FNDC3B: variants seen among roughly 807,000 people sequenced by gnomAD.
The protein encoded by FNDC3B is fibronectin type III domain-containing protein 3B.
In FNDC3B, 12 loss-of-function variants were observed where a neutral mutation model predicts 151.5. That is an observed-to-expected ratio of 0.08 (90% confidence interval 0.05 to 0.13). The LOEUF (loss-of-function observed/expected upper bound fraction) is 0.13, where lower values mean the gene tolerates loss of function less well. FNDC3B is among the 10% of genes least tolerant of loss of function. The pLI, the probability that FNDC3B is intolerant of heterozygous loss-of-function variation, is 1.00. For missense variants in FNDC3B, 1,214 were observed against 1,505.3 expected (o/e 0.81, Z 3.20); for synonymous variants, 528 against 549.0 (o/e 0.96, Z 0.54).
intron 22 of FNDC3B, among the ~76,000 whole-genome samples, chr3:172,362,206 G>C (rs1268131280): frequency 1.3e-5 from 2 of 152,152 alleles, no homozygotes; most frequent in East Asian, 3.9e-4. Flanking sequence ...ATGTCCTGTT[G>C]ATGAGTTGTC....
At chr3:172,246,415 C>G (rs1361099891) in intron 4 of FNDC3B, among the ~76,000 whole-genome samples, 3 of 152,218 alleles carry the variant, frequency 2.0e-5, no homozygotes, top group Non-Finnish European at 4.4e-5. Flanking sequence ...CTCACGTTAT[C>G]ATTCTCTGTA....
intron 2 of FNDC3B, among the ~76,000 whole-genome samples, chr3:172,122,967 C>T (rs1720626425): frequency 6.6e-6 from 1 of 152,206 alleles, no homozygotes; most frequent in Non-Finnish European, 1.5e-5. Flanking sequence ...TTGTTAGCCA[C>T]ACCTTAGATT....
chr3:172,334,318 T>TC (rs11339828), intron 14 of FNDC3B, among the ~76,000 whole-genome samples: 4,672 of 123,324 alleles, frequency 0.038, 97 homozygotes, highest in Non-Finnish European at 0.058. Context: ...TATTTTTATG[T>TC]CCCCCCCCCC....
intron 6 of FNDC3B, among the ~76,000 whole-genome samples, chr3:172,282,137 T>A (rs1467249331): frequency 6.6e-6 from 1 of 152,224 alleles, no homozygotes; most frequent in Non-Finnish European, 1.5e-5. Context: ...CATACTAGAC[T>A]GTTAGCTTTC....
intron 2 of FNDC3B, among the ~76,000 whole-genome samples, chr3:172,119,169 T>TAAA (rs555243695): frequency 0.015 from 1,517 of 102,098 alleles, 63 homozygotes; most frequent in African/African-American, 0.057. Flanking sequence ...GACTCTGCCT[T>TAAA]AAAAAAAAAA....
Position 172,381,098 on chromosome 3 carries a change from G to GA in FNDC3B, c.3303+7dup. The GA allele has an allele frequency of 6.2e-7, 1 of 1,613,026 alleles. No homozygotes were observed. The highest frequency in any genetic ancestry group is 8.5e-7 in the Non-Finnish European group (1 of 1,179,272). On this transcript the variant is annotated splice_donor_region_variant and intron_variant, in intron 25 of 25. Transcript: ENST00000415807. ...AGAGAATCTGAGTACAAACAGGTAA[G>GA]AACCAGTGTGCATGGCACATGTGCA...
chr3:172,205,535 A>G (rs1411733625), intron 3 of FNDC3B, among the ~76,000 whole-genome samples: 1 of 152,224 alleles, frequency 6.6e-6, no homozygotes, highest in Non-Finnish European at 1.5e-5. Flanking sequence ...TCTCACAACT[A>G]GTCATTTGTG....
At chr3:172,275,411 G>C (rs1259941480) in intron 6 of FNDC3B, among the ~76,000 whole-genome samples, 1 of 152,170 alleles carries the variant, frequency 6.6e-6, no homozygotes, top group Non-Finnish European at 1.5e-5. Context: ...GGGCTTAAGA[G>C]AATCCTTTAT....
chr3:172,310,752 A>G, intron 10 of FNDC3B, 76 bp from the exon 11 acceptor site: 5 of 1,028,474 alleles, frequency 4.9e-6, no homozygotes, highest in South Asian at 1.3e-5. Context: ...TAGACACTGT[A>G]TGTGAGCCAG....
At chr3:172,275,688 C>T (rs926393591) in intron 6 of FNDC3B, among the ~76,000 whole-genome samples, 3 of 152,192 alleles carry the variant, frequency 2.0e-5, no homozygotes, top group Non-Finnish European at 4.4e-5. Context: ...TAGCATTTTC[C>T]GTATAGACAT....
intron 25 of FNDC3B, among the ~76,000 whole-genome samples, chr3:172,389,314 C>T (rs996003514): frequency 6.6e-6 from 1 of 152,070 alleles, no homozygotes; most frequent in Non-Finnish European, 1.5e-5. Flanking sequence ...AATCCTTAAT[C>T]TGTTACTCTA....
intron 4 of FNDC3B, among the ~76,000 whole-genome samples, chr3:172,233,729 C>T (rs1726999979): frequency 6.6e-6 from 1 of 152,170 alleles, no homozygotes; most frequent in East Asian, 1.9e-4. Flanking sequence ...GGGGGACTGC[C>T]CTATGCCCTG....
Position 172,385,589 on chromosome 3 carries a change from C to T in FNDC3B, c.3303+4496C>T, listed in dbSNP as rs530966658. Among the ~76,000 whole-genome samples, 916 of 149,520 alleles carry T rather than the reference C, an allele frequency of 6.1e-3. 4 individuals are homozygous for T. Among genetic ancestry groups the T allele is most frequent in the Middle Eastern group, 0.017 (5 of 286 alleles). Reference sequence around the variant, plus strand: ...TTTTTTTTTTTTTTGGACAGAGTCTCACTCTGTCGCCCAGGCTGGAGCACA... The same window carrying T: ...TTTTTTTTTTTTTTGGACAGAGTCTTACTCTGTCGCCCAGGCTGGAGCACA... On this transcript the variant is annotated intron_variant, in intron 25 of 25. Transcript: ENST00000415807.
At chr3:172,295,239 G>A (rs1368942239) in intron 7 of FNDC3B, 124 bp from the exon 8 acceptor site, 3 of 860,012 alleles carry the variant, frequency 3.5e-6, no homozygotes, top group African/African-American at 3.4e-5. Context: ...CATATAAGAT[G>A]TCTTTCATTG....
Position 172,346,428 on chromosome 3 carries a change from A to G in FNDC3B, c.2352A>G (p.Leu784=). ...CISCTPDGCV[L]VGWESPDSSG... is the part of the protein sequence containing the mutation. ...CTTGTACACCTGATGGATGTGTCTT[A>G]GTGGGTTGGGAGGTAAGTCAGGCAT... Residue 784 remains leucine (L), a synonymous_variant, in exon 20 of 26, where the codon TTA becomes TTG. Transcript: ENST00000415807. 1 of 1,609,452 alleles carries G rather than the reference A, an allele frequency of 6.2e-7. No homozygotes were observed. The highest frequency in any genetic ancestry group is 1.7e-4 in the Middle Eastern group (1 of 6,056).
At chr3:172,237,124 A>C (rs1364138297) in intron 4 of FNDC3B, among the ~76,000 whole-genome samples, 1 of 152,194 alleles carries the variant, frequency 6.6e-6, no homozygotes, top group Non-Finnish European at 1.5e-5. Flanking sequence ...GTCTTCTTAT[A>C]CTGATCACCT....
chr3:172,394,136 AT>A (rs1161493770), intron 25 of FNDC3B, among the ~76,000 whole-genome samples: 19 of 139,364 alleles, frequency 1.4e-4, no homozygotes, highest in African/African-American at 4.1e-4. Context: ...AAAAAAAAAA[AT>A]GGATACAGCA....
chr3:172,233,454 T>G (rs145819893), intron 4 of FNDC3B, among the ~76,000 whole-genome samples: 2 of 152,310 alleles, frequency 1.3e-5, no homozygotes, highest in East Asian at 3.9e-4. Context: ...AAGAAATGTA[T>G]TGAAAAATAT....
intron 1 of FNDC3B, among the ~76,000 whole-genome samples, chr3:172,084,796 C>T (rs1718467448): frequency 6.6e-6 from 1 of 152,200 alleles, no homozygotes; most frequent in Non-Finnish European, 1.5e-5. Context: ...GTAGTTAGTG[C>T]ACCTGATTTC....
Sources: gnomAD v4.1 joint callset for allele counts (sites outside exome capture counted in the v4.1 genomes callset) on GRCh38, gnomAD v4.1.1 for gene constraint, MANE v1.5 for transcripts, NCBI Gene and HGNC (gene_info 2026-07-23, HGNC 2026-07-21) for gene names.